The following KCMF1 variants were observed in gnomAD, a reference collection of about 807,000 sequenced individuals.
KCMF1 encodes the protein E3 ubiquitin-protein ligase KCMF1.
A neutral mutation model predicts 41.1 loss-of-function variants in KCMF1; 3 were observed. The observed-to-expected ratio is 0.07, with a 90% CI of 0.03 to 0.19. The LOEUF is 0.19. Among genes scored for constraint, KCMF1 ranks in the 10% least tolerant of loss-of-function variants. The pLI, the probability that KCMF1 is intolerant of heterozygous loss-of-function variation, is 1.00. For missense variants in KCMF1, 286 were observed against 488.9 expected (o/e 0.58, Z 3.91); for synonymous variants, 142 against 164.5 (o/e 0.86, Z 1.04).
At chr2:84,971,565 T>C in intron 1 of KCMF1, 98 bp downstream of exon 1, 1 of 641,932 alleles carries the variant, frequency 1.6e-6, no homozygotes. Flanking sequence ...GGCGGAGACT[T>C]TGGCCGAGCC....
At chr2:85,052,998 A>G (rs1675843806) in intron 6 of KCMF1, 150 bp from the exon 7 acceptor site, 10 of 657,394 alleles carry the variant, frequency 1.5e-5, no homozygotes, top group Admixed American at 6.0e-5. Flanking sequence ...CAACACAATT[A>G]AGGATAAATT....
At chr2:84,993,844 G>A (rs137918296) in intron 1 of KCMF1, among the ~76,000 whole-genome samples, 47 of 152,012 alleles carry the variant, frequency 3.1e-4, no homozygotes, top group African/African-American at 1.1e-3. Context: ...CCAAAGTGCT[G>A]GGATTACAGG....
In KCMF1 at chr2:85,056,347, T is replaced by C. The variant is rs778111941; in HGVS notation, c.*2938T>C. On this transcript the variant is annotated 3_prime_UTR_variant, in exon 7 of 7. Transcript: ENST00000409785. Reference sequence around the variant, plus strand: ...AATATTAGAAATTTCAATAATATGCTGACAGATTTTCAAAGGTCACCAAGG... The same window carrying C: ...AATATTAGAAATTTCAATAATATGCCGACAGATTTTCAAAGGTCACCAAGG... 6.6e-6 allele frequency: 1 copy of C among 152,150 alleles called. No homozygotes were observed. Among genetic ancestry groups the C allele is most frequent in the African/African-American group, 2.4e-5 (1 of 41,436 alleles). 9.4% of individuals were successfully genotyped at this position (152,150 alleles called of 1,614,324 possible). A position where few individuals can be genotyped will look rare whatever the true frequency, so the allele number is the denominator to read the frequency against.
intron 3 of KCMF1, among the ~76,000 whole-genome samples, chr2:85,039,645 G>A (rs993809597): frequency 2.6e-5 from 4 of 152,058 alleles, no homozygotes; most frequent in African/African-American, 9.7e-5. Context: ...GACTCTGTAC[G>A]TTCTTGGGAT....
intron 1 of KCMF1, among the ~76,000 whole-genome samples, chr2:85,024,897 G>A (rs985662783): frequency 1.3e-5 from 2 of 152,014 alleles, no homozygotes; most frequent in Admixed American, 1.3e-4. Flanking sequence ...TCTGTTTCTG[G>A]TCTTTCCGTT....
Position 84,971,366 on chromosome 2 carries a change from C to A in KCMF1, c.-86C>A. The A allele has an allele frequency of 4.9e-5, 44 of 903,948 alleles. No homozygotes were observed. Among genetic ancestry groups the A allele is most frequent in the Non-Finnish European group, 5.8e-5 (43 of 738,364 alleles). 56.0% of individuals were successfully genotyped at this position (903,948 alleles called of 1,614,324 possible). On this transcript the variant is annotated 5_prime_UTR_variant, in exon 1 of 7. Coordinates refer to ENST00000409785, the MANE Select transcript of KCMF1 (RefSeq NM_020122.5). ...GCCCGGGAGTCGAGTGGGAGTCGGC[C>A]GGCCGGCGCGGGCAGCGCCGGGACC...
chr2:85,046,999 TA>T (rs1675682960), intron 5 of KCMF1, among the ~76,000 whole-genome samples: 1 of 152,168 alleles, frequency 6.6e-6, no homozygotes, highest in South Asian at 2.1e-4. Context: ...GCCTAATTTA[TA>T]AATTAAACTT....
intron 1 of KCMF1, among the ~76,000 whole-genome samples, chr2:84,998,944 A>G (rs999309324): frequency 3.0e-5 from 3 of 98,628 alleles, no homozygotes; most frequent in Admixed American, 1.4e-4. Context: ...CTATCTATCT[A>G]TCTATCTATC....
intron 1 of KCMF1, among the ~76,000 whole-genome samples, chr2:84,986,774 C>T (rs1440318419): frequency 2.0e-5 from 3 of 151,504 alleles, no homozygotes; most frequent in South Asian, 2.1e-4. Flanking sequence ...CCCAGTTACT[C>T]GGGAGGCTGA....
chr2:85,047,232 A>T (rs1675689579), intron 5 of KCMF1, among the ~76,000 whole-genome samples: 1 of 152,222 alleles, frequency 6.6e-6, no homozygotes, highest in Admixed American at 6.5e-5. Flanking sequence ...TTCAACTTGA[A>T]TACCTCCAAA....
intron 6 of KCMF1, among the ~76,000 whole-genome samples, chr2:85,052,320 C>G (rs1675828395): frequency 6.6e-6 from 1 of 152,190 alleles, no homozygotes; most frequent in African/African-American, 2.4e-5. Context: ...ATCCGCCCGC[C>G]TTGGCCTCCC....
chr2:85,011,204 C>T (rs1422577982), intron 1 of KCMF1, among the ~76,000 whole-genome samples: 1 of 152,134 alleles, frequency 6.6e-6, no homozygotes, highest in African/African-American at 2.4e-5. Context: ...GGTGAAACCC[C>T]TTTAAGGTTT....
chr2:85,043,791 C>G, intron 4 of KCMF1, 126 bp downstream of exon 4: 1 of 690,938 alleles, frequency 1.4e-6, no homozygotes, highest in Non-Finnish European at 2.6e-6. Flanking sequence ...CTCAAGTGAT[C>G]CTCCTGCTTC....
At chr2:85,041,482 CT>C (rs1675533821) in intron 3 of KCMF1, among the ~76,000 whole-genome samples, 1 of 152,172 alleles carries the variant, frequency 6.6e-6, no homozygotes. Flanking sequence ...TTTATGTCCC[CT>C]CAAGTACTGA....
At chr2:85,017,248 G>C (rs887647541) in intron 1 of KCMF1, among the ~76,000 whole-genome samples, 1 of 150,362 alleles carries the variant, frequency 6.7e-6, no homozygotes, top group South Asian at 2.1e-4. Flanking sequence ...GGATGGTCTC[G>C]ATCTCCTGAC....
At chr2:84,990,487 G>GCATTTC (rs1674015809) in intron 1 of KCMF1, among the ~76,000 whole-genome samples, 1 of 152,072 alleles carries the variant, frequency 6.6e-6, no homozygotes, top group African/African-American at 2.4e-5. Flanking sequence ...ATTTTGGAAG[G>GCATTTC]TGATAAATAT....
intron 3 of KCMF1, among the ~76,000 whole-genome samples, chr2:85,040,096 G>A (rs1270430646): frequency 1.3e-5 from 2 of 152,178 alleles, no homozygotes; most frequent in Admixed American, 6.5e-5. Context: ...GATTGTAGGC[G>A]TGAGCCACTG....
intron 1 of KCMF1, among the ~76,000 whole-genome samples, chr2:85,018,351 C>T (rs1674838452): frequency 1.3e-5 from 2 of 149,010 alleles, no homozygotes; most frequent in South Asian, 2.1e-4. Context: ...CTCACTGCAA[C>T]CTCTGCCTCC....
rs192566895 is a variant in KCMF1 at position 85,047,471 on chromosome 2, C to T, written c.601+1193C>T. Reference sequence around the variant, plus strand: ...TGTTATCTATAGCTAATTGAAAAGACTAAAGAATTAAGCTCTTCTCATGGA... The same window carrying T: ...TGTTATCTATAGCTAATTGAAAAGATTAAAGAATTAAGCTCTTCTCATGGA... On this transcript the variant is annotated intron_variant, in intron 5 of 6. Coordinates refer to ENST00000409785, the MANE Select transcript of KCMF1 (RefSeq NM_020122.5). Among the ~76,000 whole-genome samples, 6 of 151,668 alleles carry T rather than the reference C, an allele frequency of 4.0e-5. No individual in the cohort carries two copies. The East Asian group carries it at 1.2e-3, about 29-fold the overall frequency.
Sources: gnomAD v4.1 joint callset for allele counts (sites outside exome capture counted in the v4.1 genomes callset) on GRCh38, gnomAD v4.1.1 for gene constraint, MANE v1.5 for transcripts, NCBI Gene and HGNC (gene_info 2026-07-23, HGNC 2026-07-21) for gene names.